The following METTL15 variants were observed in gnomAD, a reference collection of about 807,000 sequenced individuals.
METTL15 encodes the protein methyltransferase 15, mitochondrial 12S rRNA N4-cytidine.
METTL15 carries 34 observed loss-of-function variants against 38.3 expected under a neutral mutation model. That is an observed-to-expected ratio of 0.89 (90% CI 0.68 to 1.18). The LOEUF (loss-of-function observed/expected upper bound fraction) is 1.18. Among genes scored for constraint, METTL15 ranks in the 50% most tolerant of loss-of-function variants. The probability of loss-of-function intolerance (pLI) is 0.00; values close to 1 mark genes in which losing one functional copy is unlikely to be tolerated. For synonymous variants in METTL15, 162 were observed against 170.9 expected (o/e 0.95, Z 0.41); for missense variants, 438 against 498.4 (o/e 0.88, Z 1.15).
At chr11:28,126,444 T>G (rs1238842943) in intron 3 of METTL15, among the ~76,000 whole-genome samples, 1 of 152,124 alleles carries the variant, frequency 6.6e-6, no homozygotes, top group Non-Finnish European at 1.5e-5. Flanking sequence ...CACTGTATCC[T>G]CAGTGCTAAG....
At chr11:28,130,344 C>T (rs1287804591) in intron 3 of METTL15, among the ~76,000 whole-genome samples, 1 of 151,984 alleles carries the variant, frequency 6.6e-6, no homozygotes, top group African/African-American at 2.4e-5. Flanking sequence ...ACCTTCTTGG[C>T]AGCCTTGCGT....
chr11:28,364,170 T>C (rs1050251413), intron 5 of METTL15, among the ~76,000 whole-genome samples: 3 of 152,232 alleles, frequency 2.0e-5, no homozygotes, highest in Non-Finnish European at 1.5e-5. Context: ...TTGGGCTCTA[T>C]TTTGGTTATA....
chr11:28,142,647 A>G (rs1849739936), intron 3 of METTL15, among the ~76,000 whole-genome samples: 1 of 152,172 alleles, frequency 6.6e-6, no homozygotes, highest in Non-Finnish European at 1.5e-5. Flanking sequence ...TGTAGACAGC[A>G]AGGATGTATG....
At chr11:28,157,347 A>C (rs1394980289) in intron 3 of METTL15, among the ~76,000 whole-genome samples, 2 of 152,196 alleles carry the variant, frequency 1.3e-5, no homozygotes. Flanking sequence ...GCTGCTGTGC[A>C]TGCTGCTCTG....
intron 4 of METTL15, among the ~76,000 whole-genome samples, chr11:28,225,193 A>G (rs1412589777): frequency 6.6e-6 from 1 of 151,812 alleles, no homozygotes; most frequent in Admixed American, 6.6e-5. Context: ...TATGATAACT[A>G]TTAGCATTTA....
intron 4 of METTL15, among the ~76,000 whole-genome samples, chr11:28,239,244 C>A (rs930880882): frequency 1.3e-5 from 2 of 152,180 alleles, no homozygotes; most frequent in Admixed American, 1.3e-4. Context: ...AACTTTTGAT[C>A]TTCTCCTTAA....
chr11:28,406,980 A>G (rs1406392370), intron 5 of METTL15, among the ~76,000 whole-genome samples: 2 of 152,150 alleles, frequency 1.3e-5, no homozygotes, highest in African/African-American at 4.8e-5. Context: ...TATGTGATGA[A>G]TTATGTTTAT....
At chr11:28,400,369 G>A (rs992353166) in intron 5 of METTL15, among the ~76,000 whole-genome samples, 20 of 151,890 alleles carry the variant, frequency 1.3e-4, no homozygotes, top group African/African-American at 4.3e-4. Context: ...TATTAACATG[G>A]AGGGGAGATA....
intron 5 of METTL15, among the ~76,000 whole-genome samples, chr11:28,381,735 A>T: frequency 6.6e-6 from 1 of 152,196 alleles, no homozygotes; most frequent in East Asian, 1.9e-4. Context: ...CTCTTTGTTA[A>T]AATTTTCTAA....
chr11:28,436,045 A>G (rs1850979497), intron 6 of METTL15, among the ~76,000 whole-genome samples: 1 of 152,244 alleles, frequency 6.6e-6, no homozygotes, highest in Non-Finnish European at 1.5e-5. Flanking sequence ...TATCAAATAC[A>G]GTCAATAAGA....
At chr11:28,147,724 A>C (rs1358309599) in intron 3 of METTL15, among the ~76,000 whole-genome samples, 2 of 151,778 alleles carry the variant, frequency 1.3e-5, no homozygotes. Context: ...ACACAGCATA[A>C]TCTATCCTTC....
At chr11:28,515,385 A>C (rs1851711276) in intron 6 of METTL15, among the ~76,000 whole-genome samples, 2 of 152,222 alleles carry the variant, frequency 1.3e-5, no homozygotes, top group African/African-American at 4.8e-5. Context: ...TTTTCCTATT[A>C]TATTCATGTA....
chr11:28,420,627 A>C (rs759261088), intron 5 of METTL15, among the ~76,000 whole-genome samples: 42 of 152,284 alleles, frequency 2.8e-4, no homozygotes, highest in South Asian at 1.2e-3. Context: ...CTGGTAGGTC[A>C]ATGAAGAGAT....
chr11:28,416,426 G>A (rs990608953), intron 5 of METTL15, among the ~76,000 whole-genome samples: 35 of 152,182 alleles, frequency 2.3e-4, no homozygotes, highest in African/African-American at 8.4e-4. Context: ...CATGTTTCCT[G>A]GGGCACCATC....
At chr11:28,416,131 G>C (rs193024253) in intron 5 of METTL15, among the ~76,000 whole-genome samples, 8 of 152,324 alleles carry the variant, frequency 5.3e-5, no homozygotes, top group Admixed American at 3.9e-4. Context: ...TAGTACCTTG[G>C]GGAAAGCATA....
chr11:28,451,162 A>T (rs1049339360), intron 6 of METTL15, among the ~76,000 whole-genome samples: 1 of 152,210 alleles, frequency 6.6e-6, no homozygotes, highest in Non-Finnish European at 1.5e-5. Flanking sequence ...CAAAAAACTT[A>T]CGGGAAGAGC....
At chr11:28,164,554 A>T (rs932838517) in intron 3 of METTL15, among the ~76,000 whole-genome samples, 5 of 152,026 alleles carry the variant, frequency 3.3e-5, no homozygotes, top group Admixed American at 3.3e-4. Flanking sequence ...TTTCTAATTG[A>T]CCAATTATAA....
intron 5 of METTL15, among the ~76,000 whole-genome samples, chr11:28,367,638 C>CA (rs1850199777): frequency 6.6e-6 from 1 of 152,066 alleles, no homozygotes. Context: ...CCTGCATAGC[C>CA]AAAATAATCC....
chr11:28,225,991 T>C (rs749128618), intron 4 of METTL15, among the ~76,000 whole-genome samples: 26 of 151,976 alleles, frequency 1.7e-4, no homozygotes, highest in Non-Finnish European at 8.8e-5. Context: ...ATTGTCAATA[T>C]TGTTCAAGTT....
Sources: gnomAD v4.1 joint callset for allele counts (sites outside exome capture counted in the v4.1 genomes callset) on GRCh38, gnomAD v4.1.1 for gene constraint, MANE v1.5 for transcripts, NCBI Gene and HGNC (gene_info 2026-07-23, HGNC 2026-07-21) for gene names.